The following CYP2C8 variants were observed in gnomAD, a reference collection of about 807,000 sequenced individuals.
CYP2C8 encodes cytochrome P450 2C8.
A neutral mutation model predicts 41.3 loss-of-function variants in CYP2C8; 51 were observed. The ratio of observed to expected loss-of-function variants is 1.24; its 90% CI spans 0.99 to 1.56. CYP2C8 has a LOEUF of 1.56. Among genes scored for constraint, CYP2C8 ranks in the 40% most tolerant of loss-of-function variants. CYP2C8 has a pLI of 0.00. For synonymous variants in CYP2C8, 218 were observed against 205.8 expected (o/e 1.06, Z -0.51); for missense variants, 651 against 579.9 (o/e 1.12, Z -1.26).
At chr10:95,045,175 GA>G (rs2033082649) in intron 6 of CYP2C8, among the ~76,000 whole-genome samples, 1 of 152,174 alleles carries the variant, frequency 6.6e-6, no homozygotes, top group African/African-American at 2.4e-5. Context: ...AAATTCTAAA[GA>G]AAAGTTGTAT....
intron 5 of CYP2C8, among the ~76,000 whole-genome samples, chr10:95,052,487 C>T (rs972800842): frequency 2.1e-5 from 3 of 142,546 alleles, no homozygotes; most frequent in Non-Finnish European, 4.8e-5. Context: ...ACCAAAGACA[C>T]ATTAAAAAAA....
At chr10:95,042,867 T>C (rs371715037) in intron 7 of CYP2C8, 23 bp downstream of exon 7, 4 of 1,598,144 alleles carry the variant, frequency 2.5e-6, no homozygotes, top group African/African-American at 1.3e-5. Context: ...TACAGAAATA[T>C]AGTGTAAGAG....
intron 8 of CYP2C8, among the ~76,000 whole-genome samples, chr10:95,038,216 G>A (rs2134404855): frequency 6.6e-6 from 1 of 152,274 alleles, no homozygotes; most frequent in Middle Eastern, 3.4e-3. Context: ...TGGAATCACT[G>A]CAAAATAACC....
At chr10:95,043,230 T>A (rs1396615385) in intron 6 of CYP2C8, among the ~76,000 whole-genome samples, 153 bp from the exon 7 acceptor site, 1 of 152,160 alleles carries the variant, frequency 6.6e-6, no homozygotes, top group Non-Finnish European at 1.5e-5. Flanking sequence ...ATAAAAAGAA[T>A]TACCATAATA....
At chr10:95,040,806 G>T (rs2032978704) in intron 7 of CYP2C8, 1 of 408,160 alleles carries the variant, frequency 2.5e-6, no homozygotes, top group Admixed American at 3.2e-5. Flanking sequence ...TATAATATCT[G>T]GTACTGAGCC....
At position 95,039,001 on chromosome 10, in the gene CYP2C8, T is replaced by A; in HGVS notation, c.1187A>T (p.His396Leu). 2 of 1,613,732 alleles carry A rather than the reference T, an allele frequency of 1.2e-6. No homozygotes were observed. The highest frequency in any genetic ancestry group is 3.3e-4 in the Middle Eastern group (2 of 6,062). ...TIMALLTSVL[H>L]DDKEFPNPNI... ...TGGATTAGGAAATTCTTTGTCATCA[T>A]GTAGCACGGAAGTCAGTAATGCCAT... The change falls in exon 8 of 9, where the codon CAT becomes CTT. Residue 396 changes from histidine to leucine, a missense_variant. Physicochemically the swap from His to Leu is moderately conservative, Grantham distance 99 (BLOSUM62 -3). Coordinates refer to ENST00000371270, the MANE Select transcript of CYP2C8 (RefSeq NM_000770.3).
rs2033616421 is a variant in CYP2C8 at position 95,068,553 on chromosome 10, A to G, written c.168+682T>C. 2.4e-6 allele frequency: 3 copies of G among 1,259,812 alleles called. No homozygotes were observed. The South Asian group carries it at 3.7e-5, about 16-fold the overall frequency. 78.0% of individuals were successfully genotyped at this position (1,259,812 alleles called of 1,614,324 possible). A position where few individuals can be genotyped will look rare whatever the true frequency, so the allele number is the denominator to read the frequency against. ...TCTGAATAAAACACATGACTACTAT[A>G]GTAGAGAACTTATTGGATGAAATTT... On this transcript the variant is annotated intron_variant, in intron 1 of 8. Transcript: ENST00000371270.
At position 95,067,564 on chromosome 10, in the gene CYP2C8, T is replaced by C. The variant is rs1227999901; in HGVS notation, c.296A>G (p.Asn99Ser). ...AGTAATTCTTTGAGATATTGGGGAA[T>C]TGCCTCTTCCAGAAAACTCCTCTCC... Reference protein sequence around the residue: ...DNGEEFSGRGNSPISQRITKG... With the variant: ...DNGEEFSGRGSSPISQRITKG... Residue 99 changes from asparagine to serine, a missense_variant, in exon 2 of 9, where the codon AAT becomes AGT. Physicochemically the swap from Asn to Ser is conservative, Grantham distance 46. Transcript: ENST00000371270. 2 of 1,614,038 alleles carry C rather than the reference T, an allele frequency of 1.2e-6. No individual in the cohort carries two copies. Among genetic ancestry groups the C allele is most frequent in the Non-Finnish European group, 1.7e-6 (2 of 1,180,036 alleles).
chr10:95,059,050 A>G (rs2033369307), intron 4 of CYP2C8, among the ~76,000 whole-genome samples: 1 of 152,102 alleles, frequency 6.6e-6, no homozygotes, highest in Non-Finnish European at 1.5e-5. Flanking sequence ...TCATTGTTGC[A>G]CATTTGGCTT....
At chr10:95,050,626 G>A (rs1331119799) in intron 5 of CYP2C8, among the ~76,000 whole-genome samples, 1 of 152,136 alleles carries the variant, frequency 6.6e-6, no homozygotes, top group Non-Finnish European at 1.5e-5. Context: ...AGAGTTTCTG[G>A]TAATCCAGAG....
At chr10:95,068,073 T>C (rs1265309497) in intron 1 of CYP2C8, among the ~76,000 whole-genome samples, 1 of 152,234 alleles carries the variant, frequency 6.6e-6, no homozygotes, top group African/African-American at 2.4e-5. Flanking sequence ...TTTAAACTGA[T>C]GCTTGAGCAA....
intron 6 of CYP2C8, among the ~76,000 whole-genome samples, chr10:95,044,749 AAG>A (rs1330247389): frequency 6.6e-6 from 1 of 152,158 alleles, no homozygotes; most frequent in East Asian, 1.9e-4. Context: ...TACCTGATAA[AAG>A]GAGTTATGGA....
chr10:95,064,795 C>T lies in CYP2C8; in HGVS notation c.642+5G>A, dbSNP rs748888030. 7 of 1,613,632 alleles carry T rather than the reference C, an allele frequency of 4.3e-6. No individual in the cohort carries two copies. The East Asian group carries it at 6.7e-5, about 15-fold the overall frequency. ...TTTCCAAGGAAAATAAAATCTTGGC[C>T]TTACCTGGATCCATGGGGAGTTCAG... On this transcript the variant is annotated splice_donor_5th_base_variant and intron_variant, in intron 4 of 8. Coordinates refer to ENST00000371270, the MANE Select transcript of CYP2C8 (RefSeq NM_000770.3).
chr10:95,053,073 A>G (rs574451008), intron 5 of CYP2C8, among the ~76,000 whole-genome samples: 1 of 152,328 alleles, frequency 6.6e-6, no homozygotes, highest in African/African-American at 2.4e-5. Flanking sequence ...ATGAGAAATA[A>G]TAAACAAATT....
intron 1 of CYP2C8, among the ~76,000 whole-genome samples, chr10:95,067,958 T>C (rs2134443251): frequency 6.6e-6 from 1 of 152,276 alleles, no homozygotes. Context: ...AGCACATTCA[T>C]TTGACCTGTT....
At chr10:95,063,530 A>G (rs1188463848) in intron 4 of CYP2C8, among the ~76,000 whole-genome samples, 3 of 152,136 alleles carry the variant, frequency 2.0e-5, no homozygotes, top group Non-Finnish European at 2.9e-5. Context: ...TATTCTAGTT[A>G]GCCATTCATC....
At chr10:95,042,599 A>G (rs1457391386) in intron 7 of CYP2C8, among the ~76,000 whole-genome samples, 1 of 152,182 alleles carries the variant, frequency 6.6e-6, no homozygotes, top group Non-Finnish European at 1.5e-5. Flanking sequence ...TCCATATCGA[A>G]CTACACAATG....
chr10:95,051,207 G>A (rs2033209573), intron 5 of CYP2C8, among the ~76,000 whole-genome samples: 1 of 152,128 alleles, frequency 6.6e-6, no homozygotes. Flanking sequence ...TTGGCATACT[G>A]AAGAATGCAT....
rs765484240 is a variant in CYP2C8, at chr10:95,058,439, G to C, written c.715C>G (p.Leu239Val). The change falls in exon 5 of 9, where the codon CTT (leucine) becomes GTT (valine). Residue 239 changes from leucine (L) to valine (V), a missense_variant. Physicochemically the swap from Leu to Val is conservative, Grantham distance 32. Transcript: ENST00000371270. ...TTCTCCCTAATGTAACTTCGTGTAA[G>C]AGCAACATTTTTAAGCACTTTGTTG... ...THNKVLKNVA[L>V]TRSYIREKVK... is the part of the protein sequence containing the mutation. 10 of 1,613,308 alleles carry C rather than the reference G, an allele frequency of 6.2e-6. No individual in the cohort carries two copies. The highest frequency in any genetic ancestry group is 7.6e-6 in the Non-Finnish European group (9 of 1,179,678).
Sources: gnomAD v4.1 joint callset for allele counts (sites outside exome capture counted in the v4.1 genomes callset) on GRCh38, gnomAD v4.1.1 for gene constraint, MANE v1.5 for transcripts, NCBI Gene and HGNC (gene_info 2026-07-23, HGNC 2026-07-21) for gene names.